Variants in CD70 observed in about 807,000 individuals in gnomAD.
CD70 encodes CD70 molecule.
CD70 carries 6 observed loss-of-function variants against 9.0 expected under a neutral mutation model. That is an observed-to-expected ratio of 0.67 (90% CI 0.37 to 1.32). The LOEUF is 1.32. Among genes scored for constraint, CD70 ranks in the 40% most tolerant of loss-of-function variants. The pLI is 0.02. For synonymous variants in CD70, 108 were observed against 112.3 expected, an observed-to-expected ratio of 0.96 and a Z score of 0.24; for missense variants, 235 against 258.7, an observed-to-expected ratio of 0.91 and a Z score of 0.63.
In CD70 at chr19:6,586,441, G is replaced by A. The variant is rs571905519; in HGVS notation, c.197-36C>T. 1.2e-5 allele frequency: 19 copies of A among 1,557,016 alleles called. No individual in the cohort carries two copies. The Middle Eastern group carries it at 6.9e-4, about 56-fold the overall frequency. On this transcript the variant is annotated intron_variant, in intron 2 of 2. Transcript: ENST00000245903. Reference sequence around the variant, plus strand: ...AGGGTTAGAGGGATGAGAGGATGGAGGTTTAGGGAAACTGAGGCACAGGGG... The same window carrying A: ...AGGGTTAGAGGGATGAGAGGATGGAAGTTTAGGGAAACTGAGGCACAGGGG...
Position 6,586,232 on chromosome 19 carries a change from G to A in CD70, c.370C>T (p.His124Tyr). 1.2e-6 allele frequency: 2 copies of A among 1,614,060 alleles called. No homozygotes were observed. Among genetic ancestry groups the A allele is most frequent in the Non-Finnish European group, 1.7e-6 (2 of 1,179,994 alleles). ...ICSSTTASRHHPTTLAVGICS... is the reference protein window; with the variant it reads ...ICSSTTASRHYPTTLAVGICS... ...ATTCCCACGGCCAGGGTGGTGGGGT[G>A]GTGCCTGGAGGCCGTCGTGGAGGAG... is the stretch of plus-strand genomic sequence containing the variant. The change falls in exon 3 of 3, where the codon CAC (histidine) becomes TAC (tyrosine). Residue 124 changes from histidine to tyrosine, a missense_variant. Physicochemically the swap from His to Tyr is moderately conservative, Grantham distance 83. Transcript: ENST00000245903.
At chr19:6,582,818 C>A (rs961716743), downstream of CD70, among the ~76,000 whole-genome samples, 2 of 152,116 alleles carry the variant, frequency 1.3e-5, no homozygotes, top group African/African-American at 4.8e-5. Flanking sequence ...GTCAGGCAGT[C>A]CAATCTTAAA....
In CD70 at chr19:6,586,027, C is replaced by T. The variant is rs770306833; in HGVS notation, c.575G>A (p.Arg192His). The T allele has an allele frequency of 8.1e-6, 13 of 1,609,480 alleles. No homozygotes were observed. The highest frequency in any genetic ancestry group is 1.7e-4 in the Middle Eastern group (1 of 6,044). Residue 192 changes from arginine (R) to histidine (H), a missense_variant, in exon 3 of 3, where the codon CGC (arginine) becomes CAC (histidine). Physicochemically the swap from Arg to His is conservative, Grantham distance 29 (BLOSUM62 0). Transcript: ENST00000245903. Reference sequence around the variant, plus strand: ...CCTAATCAGCAGCAGTGGTCAGGGGCGCACCCACTGCACTCCAAAGAAGGT... The same window carrying T: ...CCTAATCAGCAGCAGTGGTCAGGGGTGCACCCACTGCACTCCAAAGAAGGT... ...DETFFGVQWV[R>H]P
chr19:6,584,189 C>A (rs1915972845), downstream of CD70, among the ~76,000 whole-genome samples: 1 of 150,080 alleles, frequency 6.7e-6, no homozygotes, highest in Non-Finnish European at 1.5e-5. Context: ...AAAATGCTGT[C>A]CCGACCTCAC....
At chr19:6,585,447 C>A (rs1345120736), downstream of CD70, among the ~76,000 whole-genome samples, 1 of 151,426 alleles carries the variant, frequency 6.6e-6, no homozygotes, top group Non-Finnish European at 1.5e-5. Context: ...CTGGGCTCTA[C>A]CCAATCTCCC....
In CD70 at chr19:6,586,390, G is replaced by A. The variant is rs759672911; in HGVS notation, c.212C>T (p.Pro71Leu). 7 of 1,609,348 alleles carry A rather than the reference G, an allele frequency of 4.3e-6. No individual in the cohort carries two copies. The highest frequency in any genetic ancestry group is 2.0e-4 in the Middle Eastern group (1 of 4,942). The change falls in exon 3 of 3, where the codon CCC becomes CTC. Residue 71 changes from proline (P) to leucine (L), a missense_variant. By Grantham distance (98) the Pro-to-Leu change is moderately conservative (BLOSUM62 -3). Transcript: ENST00000245903. ...QLNHTGPQQD[P>L]RLYWQGGPAL... Reference sequence around the variant, plus strand: ...TGGGCCCCCCTGCCAGTATAGCCTGGGGTCCTGCTGAGGTCCTGGGGGCAC... The same window carrying A: ...TGGGCCCCCCTGCCAGTATAGCCTGAGGTCCTGCTGAGGTCCTGGGGGCAC...
At chr19:6,582,863 C>T (rs917675258), downstream of CD70, among the ~76,000 whole-genome samples, 2 of 152,212 alleles carry the variant, frequency 1.3e-5, no homozygotes, top group Non-Finnish European at 2.9e-5. Flanking sequence ...CTGTGTCTCA[C>T]ATCCAGGTCA....
rs1916138217 is a variant in CD70 at position 6,590,714 on chromosome 19, C to G, written c.162+127G>C. On this transcript the variant is annotated intron_variant, in intron 1 of 2. Transcript: ENST00000245903. The surrounding 1 kb of genome is among the most constrained non-coding windows in gnomAD (Gnocchi z 5.3). ...GGGCAGCCTGGTCCCCGCCTCGCCT[C>G]CCTGTTCTGGTCTCTGTCTCTGCCC... The G allele has an allele frequency of 6.9e-6, 6 of 871,598 alleles. No homozygotes were observed. The Admixed American group carries it at 1.2e-4, about 18-fold the overall frequency. 54.0% of individuals were successfully genotyped at this position (871,598 alleles called of 1,614,324 possible).
rs776594357 is a variant in CD70 at position 6,586,412 on chromosome 19, G to T, written c.197-7C>A. On this transcript the variant is annotated splice_polypyrimidine_tract_variant and splice_region_variant and intron_variant, in intron 2 of 2. Coordinates refer to ENST00000245903, the MANE Select transcript of CD70 (RefSeq NM_001252.5). Reference sequence around the variant, plus strand: ...CTGGGGTCCTGCTGAGGTCCTGGGGGCACAGGGTTAGAGGGATGAGAGGAT... The same window carrying T: ...CTGGGGTCCTGCTGAGGTCCTGGGGTCACAGGGTTAGAGGGATGAGAGGAT... 4 of 1,602,684 alleles carry T rather than the reference G, an allele frequency of 2.5e-6. No homozygotes were observed. In the East Asian group the frequency reaches 8.9e-5, roughly 36 times the overall value.
At chr19:6,583,314 C>T, downstream of CD70, 1 of 698,598 alleles carries the variant, frequency 1.4e-6, no homozygotes, top group Non-Finnish European at 2.6e-6. Context: ...CGGTTTACGC[C>T]TCTGTTTTCC....
At chr19:6,588,567 G>A (rs1049430518) in intron 2 of CD70, among the ~76,000 whole-genome samples, 1 of 152,178 alleles carries the variant, frequency 6.6e-6, no homozygotes, top group Non-Finnish European at 1.5e-5. Flanking sequence ...GGAGGAGGTA[G>A]AGACTTCCAC....
At chr19:6,582,478 T>G (rs1448012001), downstream of CD70, among the ~76,000 whole-genome samples, 1 of 151,710 alleles carries the variant, frequency 6.6e-6, no homozygotes, top group African/African-American at 2.4e-5. Context: ...TTACATTAGG[T>G]ATTTCTCCTA....
At chr19:6,582,772 A>G (rs1446515521), downstream of CD70, among the ~76,000 whole-genome samples, 1 of 152,126 alleles carries the variant, frequency 6.6e-6, no homozygotes, top group East Asian at 1.9e-4. Flanking sequence ...ATTGATGGAC[A>G]TTTGGGTTGG....
At position 6,590,055 on chromosome 19, in the gene CD70, C is replaced by T; in HGVS notation, c.196+48G>A. ...TGTCTTTCTACCTCTCCTTCCTTCT[C>T]TCTCTGTGCCTCTTCTTCTCCCCGT... On this transcript the variant is annotated intron_variant, in intron 2 of 2. Transcript: ENST00000245903. This position sits in a 1 kb window ranked among gnomAD's most constrained non-coding sequence, Gnocchi z 5.3. 1.3e-6 allele frequency: 2 copies of T among 1,531,326 alleles called. No homozygotes were observed. The highest frequency in any genetic ancestry group is 4.5e-5 in the East Asian group (2 of 44,096). 94.9% of individuals were successfully genotyped at this position (1,531,326 alleles called of 1,614,324 possible).
Position 6,588,900 on chromosome 19 carries a change from G to C in CD70, c.196+1203C>G, listed in dbSNP as rs542199422. Reference sequence around the variant, plus strand: ...CTGTTTTGTGCGCGACTGCAGTACCGGAACAGTGCCTGCCCACTGCAGATG... The same window carrying C: ...CTGTTTTGTGCGCGACTGCAGTACCCGAACAGTGCCTGCCCACTGCAGATG... On this transcript the variant is annotated intron_variant, in intron 2 of 2. Transcript: ENST00000245903. Among the ~76,000 whole-genome samples the C allele has an allele frequency of 3.3e-5, 5 of 152,314 alleles. No individual in the cohort carries two copies. In the South Asian group the frequency reaches 1.0e-3, roughly 32 times the overall value.
At position 6,590,345 on chromosome 19, in the gene CD70, C is replaced by T. The variant is rs1039972299; in HGVS notation, c.163-209G>A. Among the ~76,000 whole-genome samples, 23 of 152,218 alleles carry T rather than the reference C, an allele frequency of 1.5e-4. No homozygotes were observed. The highest frequency in any genetic ancestry group is 7.3e-5 in the Non-Finnish European group (5 of 68,032). On this transcript the variant is annotated intron_variant, in intron 1 of 2. Transcript: ENST00000245903. This position sits in a 1 kb window ranked among gnomAD's most constrained non-coding sequence, Gnocchi z 5.3. Reference sequence around the variant, plus strand: ...TCTGAACCAGCGGGGAACGTGAAGTCGAGACCTTCAAAAGAACTTCTTCGT... The same window carrying T: ...TCTGAACCAGCGGGGAACGTGAAGTTGAGACCTTCAAAAGAACTTCTTCGT...
downstream of CD70, among the ~76,000 whole-genome samples, chr19:6,581,821 T>C (rs1915922601): frequency 6.6e-6 from 1 of 152,134 alleles, no homozygotes. Context: ...TCTTAACTCA[T>C]TTCAGCATTA....
chr19:6,582,163 G>T (rs534402535), downstream of CD70, among the ~76,000 whole-genome samples: 26 of 151,696 alleles, frequency 1.7e-4, no homozygotes, highest in African/African-American at 5.8e-4. Context: ...CAAGTCGCGG[G>T]GACTACAGGC....
At chr19:6,587,119 CGA>C (rs1208287984) in intron 2 of CD70, among the ~76,000 whole-genome samples, 1 of 140,774 alleles carries the variant, frequency 7.1e-6, no homozygotes, top group Non-Finnish European at 1.5e-5. Flanking sequence ...GGAGAGTGCA[CGA>C]GAGAGTGCGA....
Sources: gnomAD v4.1 joint callset for allele counts (sites outside exome capture counted in the v4.1 genomes callset) on GRCh38, gnomAD v4.1.1 for gene constraint, Gnocchi (gnomAD v3.1) non-coding constraint, MANE v1.5 for transcripts, NCBI Gene and HGNC (gene_info 2026-07-23, HGNC 2026-07-21) for gene names.